The following RGS12 variants were observed in gnomAD, a reference collection of about 807,000 sequenced individuals.
RGS12 encodes the protein regulator of G-protein signaling 12.
RGS12 carries 66 observed loss-of-function variants against 120.1 expected under a neutral mutation model. The ratio of observed to expected loss-of-function variants is 0.55; its 90% confidence interval spans 0.45 to 0.67. The LOEUF (loss-of-function observed/expected upper bound fraction) is 0.67. RGS12 is among the 30% of genes least tolerant of loss of function. RGS12 has a pLI of 0.00. For missense variants in RGS12, 1,859 were observed against 1,957.7 expected, an observed-to-expected ratio of 0.95 and a Z score of 0.95; for synonymous variants, 827 against 804.7, an observed-to-expected ratio of 1.03 and a Z score of -0.47.
At chr4:3,289,110 C>T (rs544305559), upstream of RGS12, among the ~76,000 whole-genome samples, 1 of 152,216 alleles carries the variant, frequency 6.6e-6, no homozygotes, top group Non-Finnish European at 1.5e-5. Flanking sequence ...CAACCAGGTC[C>T]CCAAGTAAGG....
intron 3 of RGS12, among the ~76,000 whole-genome samples, chr4:3,355,119 A>G (rs975656708): frequency 6.6e-6 from 1 of 152,338 alleles, no homozygotes; most frequent in Non-Finnish European, 1.5e-5. Context: ...TGTTTCAAGG[A>G]CACACTATTT....
In RGS12 at chr4:3,348,243, G is replaced by A. The variant is rs904524024; in HGVS notation, c.1998+5190G>A. ...TCATTCATTTAACCAGAATGAGAAA[G>A]ACTTCAGAAGCAACACAGGGAGTTC... is the stretch of plus-strand genomic sequence containing the variant. On this transcript the variant is annotated intron_variant, in intron 3 of 17. Transcript: ENST00000336727. Among the ~76,000 whole-genome samples the A allele has an allele frequency of 3.3e-5, 5 of 152,158 alleles. 1 individual carries two copies. The highest frequency in any genetic ancestry group is 1.2e-4 in the African/African-American group (5 of 41,428).
At chr4:3,415,928 GT>G (rs775107510) in intron 6 of RGS12, 49 bp from the exon 7 acceptor site, 26 of 1,562,354 alleles carry the variant, frequency 1.7e-5, no homozygotes, top group Non-Finnish European at 2.1e-5. Context: ...GGCAGCAGGA[GT>G]GCGGGGAGAG....
chr4:3,433,773 T>C lies in RGS12; in HGVS notation c.4114+2818T>C, dbSNP rs1724562556. Among the ~76,000 whole-genome samples the C allele has an allele frequency of 6.7e-6, 1 of 149,258 alleles. No individual in the cohort carries two copies. Among genetic ancestry groups the C allele is most frequent in the African/African-American group, 2.5e-5 (1 of 40,098 alleles). On this transcript the variant is annotated intron_variant, in intron 17 of 17. Coordinates refer to ENST00000336727, the MANE Select transcript of RGS12 (RefSeq NM_001394154.1). The surrounding 1 kb of genome is among the most constrained non-coding windows in gnomAD (Gnocchi z 4.4). Reference sequence around the variant, plus strand: ...ACACGCCACGCGGCACTCCACCCCGTCTGTCTAGCCCCAGCACCACGCACC... The same window carrying C: ...ACACGCCACGCGGCACTCCACCCCGCCTGTCTAGCCCCAGCACCACGCACC...
chr4:3,403,960 A>C (rs1720857465), intron 4 of RGS12, among the ~76,000 whole-genome samples: 1 of 152,172 alleles, frequency 6.6e-6, no homozygotes, highest in African/African-American at 2.4e-5. Flanking sequence ...GGGTGAAGCT[A>C]AGGGAGTAAG....
rs564294545 is a variant in RGS12, at chr4:3,389,859, C to T, written c.2020+3422C>T. Among the ~76,000 whole-genome samples the T allele has an allele frequency of 2.0e-5, 3 of 152,306 alleles. No individual in the cohort carries two copies. The highest frequency in any genetic ancestry group is 6.5e-5 in the Admixed American group (1 of 15,306). The stretch of plus-strand genomic sequence containing the variant: ...AGCTGCTTCTCAAACACTCCGTTCT[C>T]GCAGCCTCACCCTGGGGACCCCCGA... On this transcript the variant is annotated intron_variant, in intron 4 of 17. Transcript: ENST00000336727. This position sits in a 1 kb window ranked among gnomAD's most constrained non-coding sequence, Gnocchi z 5.2.
chr4:3,383,625 C>G (rs1417659008), intron 3 of RGS12, among the ~76,000 whole-genome samples: 3 of 152,098 alleles, frequency 2.0e-5, no homozygotes, highest in African/African-American at 7.2e-5. Context: ...ATGTGTATCT[C>G]TCTACTGTCT....
intron 9 of RGS12, chr4:3,419,487 A>AAAATAAATAAAT (rs113081686): frequency 3.4e-5 from 5 of 149,094 alleles, no homozygotes; most frequent in East Asian, 2.0e-4. Flanking sequence ...AGACTGTCTC[A>AAAATAAATAAAT]AAATAAATAA....
At chr4:3,431,374 G>C (rs1724284966) in intron 17 of RGS12, 1 of 1,035,132 alleles carries the variant, frequency 9.7e-7, no homozygotes, top group Non-Finnish European at 1.2e-6. Context: ...GAGTGAGGAA[G>C]TGAAGCCCGC....
chr4:3,403,127 C>T (rs1329235619), intron 4 of RGS12, among the ~76,000 whole-genome samples: 2 of 152,230 alleles, frequency 1.3e-5, no homozygotes, highest in East Asian at 3.8e-4. Flanking sequence ...CAGCATTTCA[C>T]CCCCGCCTGT....
In RGS12 at chr4:3,420,675, G is replaced by T; in HGVS notation, c.2795G>T (p.Arg932Leu). The change falls in exon 10 of 18, where the codon CGA (arginine) becomes CTA (leucine). Residue 932 changes from arginine to leucine, a missense_variant. Arg to Leu is a moderately radical substitution (Grantham distance 102). Transcript: ENST00000336727. ...ALHANGGLCR[R>L]ESQGSVSSAG... Reference sequence around the variant, plus strand: ...CATGCCAATGGAGGCCTGTGTCGCCGAGAGTCGCAGGGCTCTGTGTCCTCT... The same window carrying T: ...CATGCCAATGGAGGCCTGTGTCGCCTAGAGTCGCAGGGCTCTGTGTCCTCT... 6.2e-7 allele frequency: 1 copy of T among 1,613,394 alleles called. No homozygotes were observed.
chr4:3,309,378 A>G (rs113320787), intron 1 of RGS12, among the ~76,000 whole-genome samples: 70 of 89,670 alleles, frequency 7.8e-4, no homozygotes, highest in African/African-American at 2.6e-3. Flanking sequence ...GGAACCGTGC[A>G]GGGGAGGAGC....
At chr4:3,294,673 CCTGT>C (rs1187351950) in intron 1 of RGS12, among the ~76,000 whole-genome samples, 3 of 152,120 alleles carry the variant, frequency 2.0e-5, no homozygotes, top group Non-Finnish European at 4.4e-5. Context: ...TTGGTGCACC[CCTGT>C]CTGGGTCTTT....
intron 4 of RGS12, among the ~76,000 whole-genome samples, chr4:3,392,551 T>C (rs540347806): frequency 6.6e-6 from 1 of 152,366 alleles, no homozygotes; most frequent in Non-Finnish European, 1.5e-5. Flanking sequence ...GTCATTTTAG[T>C]GTCAGATATA....
At chr4:3,429,261 T>C (rs1161611016) in intron 16 of RGS12, among the ~76,000 whole-genome samples, 1 of 152,094 alleles carries the variant, frequency 6.6e-6, no homozygotes, top group Non-Finnish European at 1.5e-5. Context: ...GAGAGATGAG[T>C]CCTTTCTTGA....
At chr4:3,348,534 A>G (rs1266953498) in intron 3 of RGS12, among the ~76,000 whole-genome samples, 1 of 152,166 alleles carries the variant, frequency 6.6e-6, no homozygotes, top group African/African-American at 2.4e-5. Context: ...ACGAGTGCGC[A>G]CCGTATTATA....
intron 1 of RGS12, chr4:3,312,790 C>A: frequency 4.7e-6 from 1 of 213,170 alleles, no homozygotes; most frequent in South Asian, 9.4e-5. Context: ...CTGCCGAAAT[C>A]AGAGCAATTT....
At chr4:3,286,414 G>GCT in the RGS12 span, among the ~76,000 whole-genome samples, 5 of 152,366 alleles carry the variant, frequency 3.3e-5, no homozygotes, top group African/African-American at 1.2e-4. Flanking sequence ...TTTTCTGTGT[G>GCT]CTCCTACATA....
intron 1 of RGS12, among the ~76,000 whole-genome samples, chr4:3,298,118 C>T (rs557582853): frequency 8.5e-5 from 13 of 152,234 alleles, no homozygotes; most frequent in African/African-American, 2.6e-4. Context: ...CTCATAGAAG[C>T]GGCTCTTTTC....
Sources: allele counts gnomAD v4.1 joint callset (sites outside exome capture counted in the v4.1 genomes callset), GRCh38; gene constraint gnomAD v4.1.1; non-coding constraint Gnocchi (gnomAD v3.1); transcripts MANE v1.5; gene names NCBI Gene and HGNC (gene_info 2026-07-23, HGNC 2026-07-21).